Variants in ENTREP1 observed in about 807,000 individuals in gnomAD.
The protein encoded by ENTREP1 is endosomal transmembrane epsin interactor 1.
chr9:69,390,586 T>C, the ENTREP1 span, among the ~76,000 whole-genome samples: 1 of 152,232 alleles, frequency 6.6e-6, no homozygotes, highest in Non-Finnish European at 1.5e-5. Context: ...CTAATTTTTA[T>C]ATTGTTTATT....
At chr9:69,379,614 TA>T in the ENTREP1 span, 4 of 152,354 alleles carry the variant, frequency 2.6e-5, no homozygotes, top group African/African-American at 9.6e-5. Context: ...GCAAAAATCT[TA>T]GCGCCGTCTC....
At chr9:69,339,736 TC>T in the ENTREP1 span, among the ~76,000 whole-genome samples, 2 of 152,176 alleles carry the variant, frequency 1.3e-5, no homozygotes, top group African/African-American at 4.8e-5. Context: ...TGCTGTAGGC[TC>T]AGGGGCACCT....
the ENTREP1 span, among the ~76,000 whole-genome samples, chr9:69,366,433 C>T: frequency 2.9e-5 from 4 of 135,668 alleles, no homozygotes; most frequent in South Asian, 9.6e-4. Context: ...TTGTATATTC[C>T]GGTTATTAGT....
At chr9:69,387,943 G>A in the ENTREP1 span, 2 of 1,512,936 alleles carry the variant, frequency 1.3e-6, no homozygotes, top group Non-Finnish European at 1.8e-6. Flanking sequence ...ATGACACAAT[G>A]ACGTGTTTCG....
the ENTREP1 span, among the ~76,000 whole-genome samples, chr9:69,385,317 C>T: frequency 6.6e-5 from 10 of 152,228 alleles, no homozygotes; most frequent in South Asian, 4.1e-4. Flanking sequence ...CGGGGTTTTA[C>T]GGATTTGTTT....
At chr9:69,377,081 G>T in the ENTREP1 span, among the ~76,000 whole-genome samples, 1 of 152,178 alleles carries the variant, frequency 6.6e-6, no homozygotes, top group African/African-American at 2.4e-5. Flanking sequence ...ACAGTATTCT[G>T]ATGCTTGCAA....
At chr9:69,377,834 A>C in the ENTREP1 span, 1 of 1,392,598 alleles carries the variant, frequency 7.2e-7, no homozygotes, top group Non-Finnish European at 9.7e-7. Context: ...ATGAGATCTC[A>C]CTTTTCTTTG....
At chr9:69,324,994 T>G in the ENTREP1 span, 2 of 985,088 alleles carry the variant, frequency 2.0e-6, no homozygotes, top group Non-Finnish European at 2.4e-6. Flanking sequence ...CGGCGCAGGT[T>G]CGGCGGGGAC....
the ENTREP1 span, among the ~76,000 whole-genome samples, chr9:69,336,544 A>G: frequency 6.6e-6 from 1 of 152,192 alleles, no homozygotes. Context: ...TTTTAAAAAA[A>G]CTACTTACTA....
chr9:69,366,384 G>GTTTTTTTTTTTTTTTTTTTTTTTT, the ENTREP1 span, among the ~76,000 whole-genome samples: 1 of 122,992 alleles, frequency 8.1e-6, no homozygotes, highest in African/African-American at 2.9e-5. Flanking sequence ...TTCCAACTGG[G>GTTTTTTTTTTTTTTTTTTTTTTTT]GTTTTTTTTT....
At chr9:69,390,262 C>T in the ENTREP1 span, among the ~76,000 whole-genome samples, 1 of 152,152 alleles carries the variant, frequency 6.6e-6, no homozygotes, top group Admixed American at 6.5e-5. Flanking sequence ...ACCTTAAAGG[C>T]TCAGAATGGT....
chr9:69,370,179 T>C, the ENTREP1 span, among the ~76,000 whole-genome samples: 2 of 152,142 alleles, frequency 1.3e-5, no homozygotes, highest in Non-Finnish European at 2.9e-5. Context: ...CAAGGCATTG[T>C]ATATTATCGT....
chr9:69,385,764 T>C, the ENTREP1 span: 1 of 280,160 alleles, frequency 3.6e-6, no homozygotes, highest in Admixed American at 1.7e-4. Context: ...GTTTCGCCTC[T>C]TTTTTTTTTT....
the ENTREP1 span, among the ~76,000 whole-genome samples, chr9:69,339,803 T>A: frequency 6.6e-6 from 1 of 152,224 alleles, no homozygotes; most frequent in African/African-American, 2.4e-5. Flanking sequence ...CCTCTTCTTC[T>A]GGCTCTCAGC....
chr9:69,350,556 CTTAAA>C, the ENTREP1 span, among the ~76,000 whole-genome samples: 1,606 of 152,194 alleles, frequency 0.011, 25 homozygotes, highest in African/African-American at 0.037. Flanking sequence ...TCATTGTATT[CTTAAA>C]TTAAATCCAT....
chr9:69,392,139 C>G, the ENTREP1 span: 5 of 331,874 alleles, frequency 1.5e-5, no homozygotes, highest in South Asian at 8.8e-5. Flanking sequence ...CCCCTCGTGT[C>G]TCTCTTTGTT....
At chr9:69,380,725 C>T in the ENTREP1 span, 31 of 152,346 alleles carry the variant, frequency 2.0e-4, no homozygotes, top group African/African-American at 7.0e-4. Flanking sequence ...ATCAAGGAGT[C>T]TCCAACCTAT....
At chr9:69,371,844 A>G in the ENTREP1 span, among the ~76,000 whole-genome samples, 2 of 152,212 alleles carry the variant, frequency 1.3e-5, no homozygotes, top group African/African-American at 4.8e-5. Flanking sequence ...ATAGTGATAT[A>G]ATGCATCATT....
chr9:69,379,181 A>G, the ENTREP1 span, among the ~76,000 whole-genome samples: 1 of 152,120 alleles, frequency 6.6e-6, no homozygotes, highest in Admixed American at 6.5e-5. Context: ...CTTGGTGCTG[A>G]GCTTGAGGTT....
Sources: gnomAD v4.1 joint callset for allele counts (sites outside exome capture counted in the v4.1 genomes callset) on GRCh38, gnomAD v4.1.1 for gene constraint, MANE v1.5 for transcripts, NCBI Gene and HGNC (gene_info 2026-07-23, HGNC 2026-07-21) for gene names.